The following CNTNAP2 variants were observed in gnomAD, a reference collection of about 807,000 sequenced individuals.
CNTNAP2 encodes the protein contactin associated protein 2, also known as contactin-associated protein-like 2.
In CNTNAP2, 98 loss-of-function variants were observed where a neutral mutation model predicts 155.2. That is an observed-to-expected ratio of 0.63 (90% CI 0.54 to 0.75). CNTNAP2 has a LOEUF of 0.75. CNTNAP2 is among the 30% of genes least tolerant of loss of function. The pLI is 0.00. For missense variants in CNTNAP2, 1,727 were observed against 1,688.1 expected (o/e 1.02, Z -0.40); for synonymous variants, 651 against 631.2 (o/e 1.03, Z -0.47).
At chr7:147,040,236 T>C (rs756200627) in intron 3 of CNTNAP2, among the ~76,000 whole-genome samples, 2 of 152,136 alleles carry the variant, frequency 1.3e-5, no homozygotes, top group Admixed American at 1.3e-4. Context: ...AAACTGCAAC[T>C]CTGTCTACAT....
At chr7:148,140,429 T>TC (rs1352348181) in intron 16 of CNTNAP2, among the ~76,000 whole-genome samples, 1 of 151,022 alleles carries the variant, frequency 6.6e-6, no homozygotes, top group Non-Finnish European at 1.5e-5. Context: ...TTCTTTTTTT[T>TC]TTTTTTTTTG....
At chr7:147,689,123 C>A (rs1796054128) in intron 13 of CNTNAP2, among the ~76,000 whole-genome samples, 1 of 149,480 alleles carries the variant, frequency 6.7e-6, no homozygotes, top group South Asian at 2.1e-4. Context: ...TTTTTTATTT[C>A]TTGAAAGCGG....
intron 13 of CNTNAP2, among the ~76,000 whole-genome samples, chr7:147,882,849 G>C (rs2116718675): frequency 6.6e-6 from 1 of 152,242 alleles, no homozygotes; most frequent in Admixed American, 6.5e-5. Context: ...CCTTATATGT[G>C]AATTTTCTTG....
At chr7:148,029,427 T>C (rs1393415714) in intron 15 of CNTNAP2, among the ~76,000 whole-genome samples, 1 of 152,090 alleles carries the variant, frequency 6.6e-6, no homozygotes, top group African/African-American at 2.4e-5. Context: ...TTGCAGAAAA[T>C]ATATAGGTTT....
intron 1 of CNTNAP2, among the ~76,000 whole-genome samples, chr7:146,126,636 G>A (rs866644141): frequency 2.0e-5 from 3 of 152,266 alleles, no homozygotes; most frequent in South Asian, 4.2e-4. Flanking sequence ...AGTCTGTATC[G>A]AAAACTGTAA....
chr7:146,869,845 T>C (rs1795271478), intron 3 of CNTNAP2, among the ~76,000 whole-genome samples: 1 of 152,142 alleles, frequency 6.6e-6, no homozygotes, highest in Admixed American at 6.5e-5. Context: ...CCACCCACAA[T>C]GTGGGTACGT....
At chr7:146,526,200 C>CA (rs1386660672) in intron 1 of CNTNAP2, among the ~76,000 whole-genome samples, 1 of 152,144 alleles carries the variant, frequency 6.6e-6, no homozygotes, top group Admixed American at 6.6e-5. Context: ...TTCTAATGTG[C>CA]ATATATGTGT....
intron 15 of CNTNAP2, among the ~76,000 whole-genome samples, chr7:148,049,574 C>A (rs1000666974): frequency 1.3e-5 from 2 of 152,070 alleles, no homozygotes; most frequent in Non-Finnish European, 2.9e-5. Flanking sequence ...GACAGTGGAC[C>A]GCACAGATAA....
At chr7:146,931,865 C>G (rs1300725917) in intron 3 of CNTNAP2, among the ~76,000 whole-genome samples, 1 of 152,160 alleles carries the variant, frequency 6.6e-6, no homozygotes, top group African/African-American at 2.4e-5. Flanking sequence ...TTGACACATA[C>G]ACCCTCCCAA....
intron 1 of CNTNAP2, among the ~76,000 whole-genome samples, chr7:146,199,287 T>G (rs982990978): frequency 6.6e-6 from 1 of 152,336 alleles, no homozygotes; most frequent in East Asian, 1.9e-4. Context: ...ATAGCAGATA[T>G]AATTGTTTAC....
At chr7:147,309,841 A>G (rs1415770033) in intron 9 of CNTNAP2, among the ~76,000 whole-genome samples, 3 of 152,108 alleles carry the variant, frequency 2.0e-5, no homozygotes, top group Non-Finnish European at 4.4e-5. Flanking sequence ...CCCAGGTGTA[A>G]TAAGCATAGT....
At chr7:146,942,100 T>G (rs967810732) in intron 3 of CNTNAP2, among the ~76,000 whole-genome samples, 4 of 152,154 alleles carry the variant, frequency 2.6e-5, no homozygotes, top group Admixed American at 1.3e-4. Flanking sequence ...CTTTTAATAT[T>G]TCTCTTTCCT....
chr7:147,628,865 A>G (rs1795033680), intron 12 of CNTNAP2, among the ~76,000 whole-genome samples: 1 of 118,686 alleles, frequency 8.4e-6, no homozygotes, highest in East Asian at 2.0e-4. Context: ...AGCCAACAGC[A>G]GTTAAAAAAA....
At chr7:147,451,230 A>G (rs1797828171) in intron 10 of CNTNAP2, among the ~76,000 whole-genome samples, 1 of 152,180 alleles carries the variant, frequency 6.6e-6, no homozygotes, top group African/African-American at 2.4e-5. Flanking sequence ...ACTAGTCTGG[A>G]GCCATAGAGT....
At chr7:148,180,742 G>A (rs976264297) in intron 18 of CNTNAP2, among the ~76,000 whole-genome samples, 1 of 152,152 alleles carries the variant, frequency 6.6e-6, no homozygotes, top group Non-Finnish European at 1.5e-5. Flanking sequence ...GGAAAACTTA[G>A]TGGCATTCTG....
intron 1 of CNTNAP2, among the ~76,000 whole-genome samples, chr7:146,570,213 A>AT (rs11312360): frequency 0.036 from 5,372 of 150,520 alleles, 328 homozygotes; most frequent in African/African-American, 0.12. Flanking sequence ...GACACAGCCC[A>AT]TTTTTTTTTT....
chr7:147,065,749 T>C (rs2129263877), intron 4 of CNTNAP2, among the ~76,000 whole-genome samples: 1 of 152,334 alleles, frequency 6.6e-6, no homozygotes, highest in South Asian at 2.1e-4. Context: ...CCTACTCTTC[T>C]CAGCATCTCA....
chr7:146,985,783 TA>T lies in CNTNAP2; in HGVS notation c.403-58123del, dbSNP rs1197440936. 2.6e-5 allele frequency among the ~76,000 whole-genome samples: 4 copies of T among 152,264 alleles called. 1 individual carries two copies. Among genetic ancestry groups the T allele is most frequent in the African/African-American group, 9.6e-5 (4 of 41,576 alleles). On this transcript the variant is annotated intron_variant, in intron 3 of 23. Coordinates refer to ENST00000361727, the MANE Select transcript of CNTNAP2 (RefSeq NM_014141.6). The stretch of plus-strand genomic sequence containing the variant: ...AGAAATAAGAAGTTTCTATTTTAAA[TA>T]TTTAATATTTCTTCTGGACAACATT...
chr7:147,020,149 C>G (rs887778027), intron 3 of CNTNAP2, among the ~76,000 whole-genome samples: 3 of 152,098 alleles, frequency 2.0e-5, no homozygotes, highest in African/African-American at 7.2e-5. Flanking sequence ...AGATTTTGCA[C>G]ATATCATAGA....
Sources: gnomAD v4.1 joint callset for allele counts (sites outside exome capture counted in the v4.1 genomes callset) on GRCh38, gnomAD v4.1.1 for gene constraint, MANE v1.5 for transcripts, NCBI Gene and HGNC (gene_info 2026-07-23, HGNC 2026-07-21) for gene names.